The following SLC29A3 variants were observed in gnomAD, a reference collection of about 807,000 sequenced individuals.
SLC29A3 encodes the protein solute carrier family 29 member 3.
A neutral mutation model predicts 25.4 loss-of-function variants in SLC29A3; 18 were observed. The ratio of observed to expected loss-of-function variants is 0.71; its 90% CI spans 0.49 to 1.05. SLC29A3 has a LOEUF of 1.05. Ranked by LOEUF, SLC29A3 falls within the 50% of genes least tolerant of loss-of-function variation. SLC29A3 has a pLI of 0.00. For synonymous variants in SLC29A3, 258 were observed against 267.1 expected (o/e 0.97, Z 0.33); for missense variants, 586 against 609.0 (o/e 0.96, Z 0.40).
intron 2 of SLC29A3, among the ~76,000 whole-genome samples, chr10:71,334,841 C>T (rs537443888): frequency 1.7e-4 from 26 of 152,286 alleles, no homozygotes; most frequent in Admixed American, 5.9e-4. Context: ...GCCAACCGTA[C>T]GCTGTTCCCT....
At chr10:71,329,469 A>G (rs917592866) in intron 2 of SLC29A3, among the ~76,000 whole-genome samples, 15 of 152,046 alleles carry the variant, frequency 9.9e-5, no homozygotes, top group Admixed American at 2.0e-4. Context: ...AAAAAAAAAA[A>G]AAAAGAAAAG....
intron 4 of SLC29A3, among the ~76,000 whole-genome samples, chr10:71,355,166 C>T (rs143090852): frequency 1.3e-5 from 2 of 152,200 alleles, no homozygotes; most frequent in African/African-American, 2.4e-5. Context: ...GGTTGTTATT[C>T]CCATTCTATA....
At chr10:71,336,107 C>T (rs1274826828) in intron 2 of SLC29A3, among the ~76,000 whole-genome samples, 7 of 152,214 alleles carry the variant, frequency 4.6e-5, no homozygotes, top group Non-Finnish European at 8.8e-5. Flanking sequence ...TTCCTTGCTG[C>T]TGCTTTGGCA....
At chr10:71,321,112 T>C (rs1845837308) in intron 1 of SLC29A3, among the ~76,000 whole-genome samples, 1 of 152,238 alleles carries the variant, frequency 6.6e-6, no homozygotes, top group African/African-American at 2.4e-5. Flanking sequence ...GGCACAGACC[T>C]TGGCATTTGT....
chr10:71,358,099 A>C lies in SLC29A3; in HGVS notation c.773+1856A>C, dbSNP rs543021580. Among the ~76,000 whole-genome samples the C allele has an allele frequency of 9.2e-5, 14 of 152,246 alleles. 1 individual carries two copies. The highest frequency in any genetic ancestry group is 3.1e-4 in the African/African-American group (13 of 41,540). ...AGCTGGGGAAACTGAAGCTTTGGAG[A>C]GTTCACAAGCATGCCCCAGGTCACT... is the stretch of plus-strand genomic sequence containing the variant. On this transcript the variant is annotated intron_variant, in intron 5 of 5. Transcript: ENST00000373189.
At chr10:71,327,825 G>A (rs572709043) in intron 2 of SLC29A3, among the ~76,000 whole-genome samples, 1 of 151,216 alleles carries the variant, frequency 6.6e-6, no homozygotes, top group East Asian at 2.0e-4. Flanking sequence ...TTCTACACCT[G>A]GGTCCTGGAC....
intron 4 of SLC29A3, among the ~76,000 whole-genome samples, chr10:71,378,713 T>C (rs7072604): frequency 0.045 from 6,844 of 152,310 alleles, 506 homozygotes; most frequent in African/African-American, 0.15. Context: ...AGTGAGTCTG[T>C]GCTGAAGTTT....
chr10:71,329,154 A>T (rs1846057502), intron 2 of SLC29A3, among the ~76,000 whole-genome samples: 1 of 152,172 alleles, frequency 6.6e-6, no homozygotes, highest in Non-Finnish European at 1.5e-5. Context: ...AATGAAACCA[A>T]GGCTCACAGA....
chr10:71,352,163 A>G (rs139900289), intron 4 of SLC29A3, among the ~76,000 whole-genome samples: 2 of 152,192 alleles, frequency 1.3e-5, no homozygotes, highest in African/African-American at 2.4e-5. Flanking sequence ...GTGGACCTCA[A>G]ATGGCAACTT....
chr10:71,358,206 A>G (rs1021692496), intron 5 of SLC29A3, among the ~76,000 whole-genome samples: 1 of 152,112 alleles, frequency 6.6e-6, no homozygotes, highest in Non-Finnish European at 1.5e-5. Context: ...CTGGCTCGCA[A>G]CTGCAAGGGC....
chr10:71,348,866 A>C (rs1564536553), intron 3 of SLC29A3, among the ~76,000 whole-genome samples: 1 of 152,098 alleles, frequency 6.6e-6, no homozygotes, highest in Non-Finnish European at 1.5e-5. Context: ...AAGGTGGGAG[A>C]GTATGGAATG....
chr10:71,351,916 A>T, intron 4 of SLC29A3, 128 bp downstream of exon 4: 1 of 858,850 alleles, frequency 1.2e-6, no homozygotes, highest in Non-Finnish European at 1.9e-6. Flanking sequence ...TGTTTCAGTC[A>T]TCTAGTGTTG....
chr10:71,332,502 C>A (rs938640137), intron 2 of SLC29A3, among the ~76,000 whole-genome samples: 1 of 152,242 alleles, frequency 6.6e-6, no homozygotes, highest in South Asian at 2.1e-4. Context: ...GGGCACAACA[C>A]CCCTCCTCCC....
At chr10:71,338,555 C>T (rs1846313189) in intron 2 of SLC29A3, among the ~76,000 whole-genome samples, 1 of 152,122 alleles carries the variant, frequency 6.6e-6, no homozygotes, top group Non-Finnish European at 1.5e-5. Context: ...GTCGGGAGCT[C>T]AAGACCATCC....
At position 71,322,764 on chromosome 10, in the gene SLC29A3, G is replaced by A. The variant is rs202128882; in HGVS notation, c.10G>A (p.Val4Ile). The change falls in exon 2 of 6, where the codon GTC becomes ATC. Residue 4 changes from valine to isoleucine, a missense_variant. Coordinates refer to ENST00000373189, the MANE Select transcript of SLC29A3 (RefSeq NM_018344.6). MAVVSEDDFQHSSN... is the reference protein window; with the variant it reads MAVISEDDFQHSSN... ...CCTCCTTGCTCCAATAGTGGCCGTT[G>A]TCTCAGAGGACGACTTTCAGCACAG... 8 of 1,614,096 alleles carry A rather than the reference G, an allele frequency of 5.0e-6. No homozygotes were observed. The African/African-American group carries it at 9.3e-5, about 19-fold the overall frequency.
rs887955323 is a variant in SLC29A3, at chr10:71,374,890, CCTG to C, written c.*95-802_*95-800del. ...GCTTGCCTCTGTGAGTCAAGCCTCT[CCTG>C]CTCCAGAAAGTAAGATGAGAATAGC... On this transcript the variant is annotated intron_variant and NMD_transcript_variant, in intron 3 of 4. Transcript: ENST00000642772. 3.7e-4 allele frequency among the ~76,000 whole-genome samples: 57 copies of C among 152,202 alleles called. 1 individual carries two copies. The highest frequency in any genetic ancestry group is 2.4e-4 in the Non-Finnish European group (16 of 68,034).
intron 3 of SLC29A3, among the ~76,000 whole-genome samples, chr10:71,372,665 C>T (rs1847220134): frequency 6.6e-6 from 1 of 152,232 alleles, no homozygotes; most frequent in Non-Finnish European, 1.5e-5. Flanking sequence ...TCATCTGCTG[C>T]TGTTCCAGTT....
chr10:71,344,692 G>A (rs186024953), intron 3 of SLC29A3, among the ~76,000 whole-genome samples: 57 of 152,318 alleles, frequency 3.7e-4, no homozygotes, highest in South Asian at 2.3e-3. Flanking sequence ...GAGGGCTCAC[G>A]GGGGAAGTTC....
At chr10:71,348,686 G>T (rs1313956322) in intron 3 of SLC29A3, among the ~76,000 whole-genome samples, 2 of 152,176 alleles carry the variant, frequency 1.3e-5, no homozygotes, top group African/African-American at 4.8e-5. Flanking sequence ...GGCCGCCAAG[G>T]GTCCAGGTGT....
Sources: allele counts gnomAD v4.1 joint callset (sites outside exome capture counted in the v4.1 genomes callset), GRCh38; gene constraint gnomAD v4.1.1; transcripts MANE v1.5; gene names NCBI Gene and HGNC (gene_info 2026-07-23, HGNC 2026-07-21).